TMC7: variants seen among roughly 807,000 people sequenced by gnomAD.
The protein encoded by TMC7 is transmembrane channel-like protein 7.
In TMC7, 54 loss-of-function variants were observed where a neutral mutation model predicts 82.9. That is an observed-to-expected ratio of 0.65 (90% CI 0.52 to 0.82). The LOEUF (loss-of-function observed/expected upper bound fraction) is 0.82. Ranked by LOEUF, TMC7 falls within the 40% of genes least tolerant of loss-of-function variation. TMC7 has a pLI of 0.00. For synonymous variants in TMC7, 350 were observed against 337.9 expected, an observed-to-expected ratio of 1.04 and a Z score of -0.39; for missense variants, 820 against 901.2, an observed-to-expected ratio of 0.91 and a Z score of 1.15.
intron 5 of TMC7, among the ~76,000 whole-genome samples, chr16:19,027,972 T>A (rs908346894): frequency 6.6e-6 from 1 of 152,136 alleles, no homozygotes; most frequent in African/African-American, 2.4e-5. Context: ...AACCCCATGG[T>A]TTACAGCCTA....
At chr16:19,018,799 A>T (rs1959828554) in intron 3 of TMC7, among the ~76,000 whole-genome samples, 1 of 152,186 alleles carries the variant, frequency 6.6e-6, no homozygotes. Context: ...AATGAAAATA[A>T]AAAAAAACCA....
intron 1 of TMC7, among the ~76,000 whole-genome samples, chr16:19,000,040 G>T (rs1596724540): frequency 6.6e-6 from 1 of 152,098 alleles, no homozygotes; most frequent in Non-Finnish European, 1.5e-5. Flanking sequence ...TGGGATTACA[G>T]GCGTGTAATC....
At chr16:19,018,362 T>C (rs1271175328) in intron 3 of TMC7, among the ~76,000 whole-genome samples, 1 of 152,186 alleles carries the variant, frequency 6.6e-6, no homozygotes, top group Admixed American at 6.6e-5. Flanking sequence ...CTTTTTTTTC[T>C]CATAGTTTTG....
At chr16:19,020,363 A>C (rs1446744520) in intron 3 of TMC7, among the ~76,000 whole-genome samples, 1 of 152,204 alleles carries the variant, frequency 6.6e-6, no homozygotes, top group Non-Finnish European at 1.5e-5. Context: ...GGGGGGAAGG[A>C]TAATAATTGG....
intron 1 of TMC7, among the ~76,000 whole-genome samples, chr16:19,001,986 T>G (rs2039148893): frequency 6.6e-6 from 1 of 152,190 alleles, no homozygotes; most frequent in African/African-American, 2.4e-5. Context: ...AAACCCCTGC[T>G]GTGAACTCAG....
intron 13 of TMC7, among the ~76,000 whole-genome samples, chr16:19,056,247 G>A (rs535060867): frequency 1.3e-5 from 2 of 151,892 alleles, no homozygotes; most frequent in Admixed American, 6.6e-5. Flanking sequence ...CACCATGCCC[G>A]GCTAATTTTT....
At chr16:19,032,443 C>T (rs963762279) in intron 6 of TMC7, among the ~76,000 whole-genome samples, 8 of 151,656 alleles carry the variant, frequency 5.3e-5, no homozygotes, top group Non-Finnish European at 8.8e-5. Flanking sequence ...ATTGGGGTTC[C>T]GTGATTGTGC....
intron 1 of TMC7, among the ~76,000 whole-genome samples, chr16:18,985,542 T>C (rs2038830532): frequency 6.6e-6 from 1 of 152,192 alleles, no homozygotes; most frequent in South Asian, 2.1e-4. Flanking sequence ...TCCATTATAT[T>C]GAAGATGTCA....
At chr16:19,045,484 C>G (rs1298370960) in intron 11 of TMC7, 46 bp downstream of exon 11, 1 of 1,211,052 alleles carries the variant, frequency 8.3e-7, no homozygotes, top group Admixed American at 1.7e-5. Context: ...CACACACATG[C>G]ACACACACAC....
intron 9 of TMC7, among the ~76,000 whole-genome samples, chr16:19,041,666 C>T (rs1029740878): frequency 6.6e-6 from 1 of 152,142 alleles, no homozygotes; most frequent in African/African-American, 2.4e-5. Context: ...GCCACCGTGC[C>T]CAGCCAACTT....
At chr16:19,013,459 C>T (rs1197347363) in intron 2 of TMC7, among the ~76,000 whole-genome samples, 7 of 152,180 alleles carry the variant, frequency 4.6e-5, no homozygotes, top group Admixed American at 2.0e-4. Flanking sequence ...TCAGGTGATC[C>T]GCCTGCCTCG....
intron 1 of TMC7, among the ~76,000 whole-genome samples, chr16:18,985,647 T>A (rs910130294): frequency 2.0e-5 from 3 of 152,046 alleles, no homozygotes; most frequent in Non-Finnish European, 4.4e-5. Flanking sequence ...TCAGGAGGAC[T>A]ATAATTGGGC....
At chr16:19,059,649 C>T in intron 15 of TMC7, 155 bp downstream of exon 15, 1 of 1,551,554 alleles carries the variant, frequency 6.4e-7, no homozygotes, top group Non-Finnish European at 8.7e-7. Flanking sequence ...CCGCGTCCAG[C>T]TTCATTAATT....
At chr16:19,012,645 C>T (rs1006299852) in intron 2 of TMC7, among the ~76,000 whole-genome samples, 1 of 151,422 alleles carries the variant, frequency 6.6e-6, no homozygotes, top group African/African-American at 2.4e-5. Flanking sequence ...AAAAATTAGC[C>T]AGGTGTGGTG....
At chr16:19,045,493 A>C in intron 11 of TMC7, 55 bp downstream of exon 11, 1 of 1,180,566 alleles carries the variant, frequency 8.5e-7, no homozygotes, top group Non-Finnish European at 1.3e-6. Context: ...GCACACACAC[A>C]CATACACACA....
intron 6 of TMC7, 30 bp downstream of exon 6, chr16:19,030,399 T>G: frequency 1.3e-6 from 2 of 1,593,488 alleles, no homozygotes; most frequent in Non-Finnish European, 1.7e-6. Flanking sequence ...TCTCTCTGAA[T>G]TACCCCTGAT....
At chr16:19,021,566 G>T in intron 3 of TMC7, 63 bp from the exon 4 acceptor site, 1 of 1,528,254 alleles carries the variant, frequency 6.5e-7, no homozygotes, top group Non-Finnish European at 8.9e-7. Context: ...GTGGCTGATT[G>T]AATCTATGAT....
chr16:19,025,143 C>G (rs1309283203), intron 5 of TMC7, among the ~76,000 whole-genome samples: 1 of 152,156 alleles, frequency 6.6e-6, no homozygotes, highest in Non-Finnish European at 1.5e-5. Context: ...TCTCTACCCA[C>G]TAGATGCCAG....
intron 1 of TMC7, among the ~76,000 whole-genome samples, chr16:19,000,157 A>C (rs1422690930): frequency 6.6e-6 from 1 of 151,962 alleles, no homozygotes; most frequent in African/African-American, 2.4e-5. Context: ...CCCTCCCTCC[A>C]CTTAACATCC....
Sources: allele counts gnomAD v4.1 joint callset (sites outside exome capture counted in the v4.1 genomes callset), GRCh38; gene constraint gnomAD v4.1.1; transcripts MANE v1.5; gene names NCBI Gene and HGNC (gene_info 2026-07-23, HGNC 2026-07-21).